The following EPB41L5 variants were observed in gnomAD, a reference collection of about 807,000 sequenced individuals.
EPB41L5 encodes erythrocyte membrane protein band 4.1 like 5, also known as band 4.1-like protein 5.
EPB41L5 carries 55 observed loss-of-function variants against 106.6 expected under a neutral mutation model. That is an observed-to-expected ratio of 0.52 (90% CI 0.42 to 0.65). EPB41L5 has a LOEUF of 0.65. Ranked by LOEUF, EPB41L5 falls within the 30% of genes least tolerant of loss-of-function variation. The pLI is 0.00. For missense variants in EPB41L5, 871 were observed against 882.1 expected, an observed-to-expected ratio of 0.99 and a Z score of 0.16; for synonymous variants, 297 against 306.7, an observed-to-expected ratio of 0.97 and a Z score of 0.33.
At chr2:120,102,034 G>A (rs752805692) in intron 16 of EPB41L5, among the ~76,000 whole-genome samples, 64 of 152,136 alleles carry the variant, frequency 4.2e-4, no homozygotes, top group Admixed American at 2.9e-3. Context: ...CACAGCTCCT[G>A]TAAGCAGTTA....
chr2:120,153,373 G>A (rs1346771914), intron 20 of EPB41L5, among the ~76,000 whole-genome samples: 3 of 152,184 alleles, frequency 2.0e-5, no homozygotes, highest in African/African-American at 7.2e-5. Flanking sequence ...CTCTTTAAAT[G>A]TATTGAGATT....
chr2:120,103,524 G>A (rs1684270550), intron 16 of EPB41L5, among the ~76,000 whole-genome samples: 1 of 152,124 alleles, frequency 6.6e-6, no homozygotes, highest in Non-Finnish European at 1.5e-5. Context: ...AAATTACATG[G>A]CCTCTGAAGG....
rs72952882 is a variant in EPB41L5, at chr2:120,041,861, A to T, written c.181-145A>T. 4.1e-4 allele frequency: 211 copies of T among 509,730 alleles called. 1 individual carries two copies. Among genetic ancestry groups the T allele is most frequent in the African/African-American group, 3.8e-3 (196 of 51,448 alleles). 31.6% of individuals were successfully genotyped at this position (509,730 alleles called of 1,614,324 possible). A position where few individuals can be genotyped will look rare whatever the true frequency, so the allele number is the denominator to read the frequency against. ...ATTTATTAGAAAACTGTAATGTCTT[A>T]TGCATTATCTGCCACATGCTAATAC... On this transcript the variant is annotated intron_variant, in intron 2 of 24. Transcript: ENST00000263713.
At chr2:120,131,235 T>C (rs1333658301) in intron 17 of EPB41L5, among the ~76,000 whole-genome samples, 1 of 152,212 alleles carries the variant, frequency 6.6e-6, no homozygotes, top group East Asian at 1.9e-4. Context: ...CGAACAAAGA[T>C]GGCAAAGTGT....
chr2:120,049,318 A>G (rs1680052804), intron 3 of EPB41L5, among the ~76,000 whole-genome samples: 1 of 152,160 alleles, frequency 6.6e-6, no homozygotes, highest in Non-Finnish European at 1.5e-5. Context: ...TAGGTCTCTA[A>G]GGACTTGCTT....
chr2:120,157,414 C>G (rs1686947656), intron 20 of EPB41L5, among the ~76,000 whole-genome samples: 2 of 150,256 alleles, frequency 1.3e-5, no homozygotes, highest in Non-Finnish European at 3.0e-5. Context: ...CCAAAACTAA[C>G]AGAAGATAAG....
intron 20 of EPB41L5, among the ~76,000 whole-genome samples, chr2:120,151,410 C>T (rs1207934494): frequency 6.6e-6 from 1 of 152,068 alleles, no homozygotes; most frequent in Non-Finnish European, 1.5e-5. Context: ...TATTTCTATA[C>T]ACTAGCAGTG....
At chr2:120,042,962 G>A (rs1014860651) in intron 3 of EPB41L5, among the ~76,000 whole-genome samples, 5 of 150,084 alleles carry the variant, frequency 3.3e-5, no homozygotes, top group Non-Finnish European at 5.9e-5. Flanking sequence ...CAGATGATAA[G>A]GATATCATGG....
At chr2:120,132,879 T>C (rs1187114646) in intron 18 of EPB41L5, among the ~76,000 whole-genome samples, 1 of 147,764 alleles carries the variant, frequency 6.8e-6, no homozygotes, top group Non-Finnish European at 1.5e-5. Context: ...TAGGGAGGAG[T>C]GGGGGGCGGG....
At chr2:120,149,892 CT>C (rs34014223) in intron 20 of EPB41L5, among the ~76,000 whole-genome samples, 36,719 of 110,596 alleles carry the variant, frequency 0.33, 4,246 homozygotes, top group South Asian at 0.41. Flanking sequence ...TTTCACTGTA[CT>C]TTTTTTTTTT....
intron 3 of EPB41L5, among the ~76,000 whole-genome samples, chr2:120,058,418 C>G (rs1222475802): frequency 1.3e-5 from 2 of 152,206 alleles, no homozygotes; most frequent in Admixed American, 1.3e-4. Context: ...TCAAGTGATC[C>G]TCTTGCCTTG....
chr2:120,146,406 C>T, intron 20 of EPB41L5, 117 bp downstream of exon 20: 1 of 706,258 alleles, frequency 1.4e-6, no homozygotes, highest in Admixed American at 2.6e-5. Context: ...AGCTTGAATT[C>T]ACTCTATTGT....
chr2:120,069,342 A>G (rs1028209051), intron 3 of EPB41L5, among the ~76,000 whole-genome samples: 2 of 152,050 alleles, frequency 1.3e-5, no homozygotes, highest in African/African-American at 4.8e-5. Flanking sequence ...AGACCTACAA[A>G]GAGACTTAGA....
chr2:120,045,611 AT>A (rs1679712359), intron 3 of EPB41L5, among the ~76,000 whole-genome samples: 1 of 152,146 alleles, frequency 6.6e-6, no homozygotes, highest in Non-Finnish European at 1.5e-5. Flanking sequence ...TGTTCCTGGT[AT>A]GTTTTTTATA....
intron 13 of EPB41L5, among the ~76,000 whole-genome samples, chr2:120,093,030 CA>C (rs1683516951): frequency 6.6e-6 from 1 of 152,102 alleles, no homozygotes; most frequent in Non-Finnish European, 1.5e-5. Flanking sequence ...TGCTTGAGCC[CA>C]AAAGCTCAAC....
At position 120,100,236 on chromosome 2, in the gene EPB41L5, C is replaced by T. The variant is rs1454591202; in HGVS notation, c.1179-8C>T. 4 of 1,610,356 alleles carry T rather than the reference C, an allele frequency of 2.5e-6. No homozygotes were observed. Among genetic ancestry groups the T allele is most frequent in the Admixed American group, 1.7e-5 (1 of 59,724 alleles). On this transcript the variant is annotated splice_polypyrimidine_tract_variant and splice_region_variant and intron_variant, in intron 14 of 24. Coordinates refer to ENST00000263713, the MANE Select transcript of EPB41L5 (RefSeq NM_020909.4). ...GGGTTTTTAATTGATTTTTTTTTCCCATTACAGTGTTCACAATAATGTTTC... is the reference window on the plus strand; with the variant it reads ...GGGTTTTTAATTGATTTTTTTTTCCTATTACAGTGTTCACAATAATGTTTC...
chr2:120,165,387 T>C (rs1279772422), intron 22 of EPB41L5, among the ~76,000 whole-genome samples: 1 of 152,156 alleles, frequency 6.6e-6, no homozygotes, highest in African/African-American at 2.4e-5. Context: ...TATAAAATGG[T>C]GTAGTGTTTG....
chr2:120,017,099 GAA>G (rs986568369), intron 1 of EPB41L5, among the ~76,000 whole-genome samples: 8 of 152,174 alleles, frequency 5.3e-5, no homozygotes, highest in African/African-American at 1.9e-4. Flanking sequence ...AAATCTAGTT[GAA>G]AAAGTCATTT....
At chr2:120,113,747 A>G (rs1251161810) in intron 16 of EPB41L5, among the ~76,000 whole-genome samples, 1 of 152,230 alleles carries the variant, frequency 6.6e-6, no homozygotes, top group East Asian at 1.9e-4. Context: ...GAAATTTCCT[A>G]AAAGTAGAAT....
Sources: gnomAD v4.1 joint callset for allele counts (sites outside exome capture counted in the v4.1 genomes callset) on GRCh38, gnomAD v4.1.1 for gene constraint, MANE v1.5 for transcripts, NCBI Gene and HGNC (gene_info 2026-07-23, HGNC 2026-07-21) for gene names.